XKR6: variants seen among roughly 807,000 people sequenced by gnomAD.
XKR6 encodes the protein XK related 6, also known as XK-related protein 6.
In XKR6, 22 loss-of-function variants were observed where a neutral mutation model predicts 56.7. The observed-to-expected ratio is 0.39, with a 90% confidence interval of 0.28 to 0.55. The LOEUF (loss-of-function observed/expected upper bound fraction) is 0.55, where lower values mean the gene tolerates loss of function less well. Among genes scored for constraint, XKR6 ranks in the 20% least tolerant of loss-of-function variants. The probability of loss-of-function intolerance (pLI) is 0.66; values close to 1 mark genes in which losing one functional copy is unlikely to be tolerated. For synonymous variants in XKR6, 524 were observed against 387.8 expected, an observed-to-expected ratio of 1.35 and a Z score of -4.13; for missense variants, 852 against 889.0, an observed-to-expected ratio of 0.96 and a Z score of 0.53.
At chr8:11,133,176 A>G (rs970657921) in intron 1 of XKR6, among the ~76,000 whole-genome samples, 17 of 151,628 alleles carry the variant, frequency 1.1e-4, no homozygotes, top group African/African-American at 3.9e-4. Context: ...CATTTATAAA[A>G]AGCTTATCGC....
chr8:11,156,348 A>G (rs946221929), intron 1 of XKR6, among the ~76,000 whole-genome samples: 1 of 152,100 alleles, frequency 6.6e-6, no homozygotes, highest in Admixed American at 6.5e-5. Context: ...TTTCCCTACC[A>G]TCTCATCCAA....
intron 1 of XKR6, among the ~76,000 whole-genome samples, chr8:11,032,902 T>C (rs1299250382): frequency 1.3e-5 from 2 of 152,080 alleles, no homozygotes; most frequent in African/African-American, 2.4e-5. Context: ...GTGGAGATGG[T>C]GATAGTGATT....
At chr8:10,909,904 G>A (rs902039746) in intron 2 of XKR6, among the ~76,000 whole-genome samples, 1 of 151,894 alleles carries the variant, frequency 6.6e-6, no homozygotes. Context: ...AGGAATTGAG[G>A]CTCAGGGAGG....
chr8:11,153,819 C>T (rs944514199), intron 1 of XKR6, among the ~76,000 whole-genome samples: 9 of 152,202 alleles, frequency 5.9e-5, no homozygotes, highest in African/African-American at 1.9e-4. Flanking sequence ...GCATCCAACC[C>T]ATCAACAGAT....
At chr8:11,086,157 T>A (rs868766670) in intron 1 of XKR6, among the ~76,000 whole-genome samples, 1,662 of 147,998 alleles carry the variant, frequency 0.011, 19 homozygotes, top group African/African-American at 0.026. Flanking sequence ...TATTTTTTTT[T>A]AAAAAAAACA....
At chr8:11,114,231 T>A in intron 1 of XKR6, 1 of 277,278 alleles carries the variant, frequency 3.6e-6, no homozygotes. Flanking sequence ...AGAATCACAA[T>A]CCTATTTTGA....
intron 1 of XKR6, among the ~76,000 whole-genome samples, chr8:11,168,724 C>A (rs1176060639): frequency 6.6e-6 from 1 of 152,170 alleles, no homozygotes; most frequent in Non-Finnish European, 1.5e-5. Context: ...AGGGTAGGTC[C>A]TTGGCAAAAC....
intron 1 of XKR6, chr8:11,002,414 G>T (rs1485644701): frequency 2.5e-6 from 1 of 400,676 alleles, no homozygotes; most frequent in East Asian, 9.5e-5. Context: ...CCTGGGGGAG[G>T]CCCGCGTGCA....
At chr8:11,005,038 A>G (rs1315434908) in intron 1 of XKR6, among the ~76,000 whole-genome samples, 2 of 152,164 alleles carry the variant, frequency 1.3e-5, no homozygotes, top group East Asian at 3.8e-4. Context: ...TCCCTCTGCA[A>G]CCTTATCCAT....
At chr8:10,989,043 C>G (rs933734286) in intron 1 of XKR6, among the ~76,000 whole-genome samples, 1 of 152,166 alleles carries the variant, frequency 6.6e-6, no homozygotes, top group African/African-American at 2.4e-5. Flanking sequence ...AAGCTACATG[C>G]TTATGTTGAC....
chr8:10,918,666 C>A (rs948852986), intron 2 of XKR6, among the ~76,000 whole-genome samples: 1 of 152,204 alleles, frequency 6.6e-6, no homozygotes, highest in African/African-American at 2.4e-5. Flanking sequence ...GTGCATGGCA[C>A]CTATGTTTGT....
intron 2 of XKR6, among the ~76,000 whole-genome samples, chr8:10,899,265 C>T (rs920689058): frequency 3.9e-5 from 6 of 152,246 alleles, no homozygotes; most frequent in African/African-American, 1.2e-4. Flanking sequence ...TCTTGTGGCA[C>T]ACAGATGTGC....
intron 1 of XKR6, among the ~76,000 whole-genome samples, chr8:10,926,639 C>T (rs1563292681): frequency 6.6e-6 from 1 of 152,236 alleles, no homozygotes. Flanking sequence ...GGTATACAGT[C>T]TCTTGGGGTC....
chr8:11,011,010 T>G (rs1232342653), intron 1 of XKR6, among the ~76,000 whole-genome samples: 2 of 152,172 alleles, frequency 1.3e-5, no homozygotes, highest in Non-Finnish European at 2.9e-5. Flanking sequence ...TGTCTCCGCA[T>G]CTCTCAGCAA....
At chr8:11,020,730 C>T (rs1438235409) in intron 1 of XKR6, among the ~76,000 whole-genome samples, 1 of 152,130 alleles carries the variant, frequency 6.6e-6, no homozygotes, top group African/African-American at 2.4e-5. Context: ...ACGCCTTTTT[C>T]CTAATATGAG....
At chr8:11,093,167 T>C (rs1277150541) in intron 1 of XKR6, among the ~76,000 whole-genome samples, 1 of 152,166 alleles carries the variant, frequency 6.6e-6, no homozygotes, top group East Asian at 1.9e-4. Context: ...ACGATTCTCC[T>C]GCCTCAGCCT....
chr8:11,113,338 G>C (rs1798999524), intron 1 of XKR6, among the ~76,000 whole-genome samples: 1 of 152,006 alleles, frequency 6.6e-6, no homozygotes, highest in South Asian at 2.1e-4. Context: ...TATTTAAAAG[G>C]ACATGGTCCA....
intron 1 of XKR6, among the ~76,000 whole-genome samples, chr8:11,166,217 T>C (rs1395362487): frequency 6.6e-6 from 1 of 152,212 alleles, no homozygotes; most frequent in Admixed American, 6.5e-5. Context: ...TCCTTCATTT[T>C]CCAGTGAAGA....
intron 1 of XKR6, among the ~76,000 whole-genome samples, chr8:11,021,867 C>T (rs934267343): frequency 1.3e-5 from 2 of 152,034 alleles, no homozygotes; most frequent in Admixed American, 1.3e-4. Context: ...GCTTCCTGAA[C>T]TTAGCCTTGT....
Sources: allele counts gnomAD v4.1 joint callset (sites outside exome capture counted in the v4.1 genomes callset), GRCh38; gene constraint gnomAD v4.1.1; transcripts MANE v1.5; gene names NCBI Gene and HGNC (gene_info 2026-07-23, HGNC 2026-07-21).